STK3: variants seen among roughly 807,000 people sequenced by gnomAD.
The protein encoded by STK3 is serine/threonine kinase 3.
A neutral mutation model predicts 58.0 loss-of-function variants in STK3; 41 were observed. The observed-to-expected ratio is 0.71, with a 90% CI of 0.55 to 0.92. The LOEUF is 0.92. STK3 is among the 40% of genes least tolerant of loss of function. STK3 has a pLI of 0.00. For synonymous variants in STK3, 170 were observed against 191.0 expected (o/e 0.89, Z 0.91); for missense variants, 479 against 602.7 (o/e 0.79, Z 2.15).
At chr8:98,507,252 T>C (rs1824169263) in intron 10 of STK3, among the ~76,000 whole-genome samples, 1 of 152,214 alleles carries the variant, frequency 6.6e-6, no homozygotes, top group South Asian at 2.1e-4. Flanking sequence ...ATATTTGGTA[T>C]GCCCACCTGG....
chr8:98,743,103 A>T (rs1829351449), intron 4 of STK3, among the ~76,000 whole-genome samples: 1 of 152,124 alleles, frequency 6.6e-6, no homozygotes, highest in South Asian at 2.1e-4. Flanking sequence ...ATGGAAGAAC[A>T]TTCCATGCTC....
intron 1 of STK3, among the ~76,000 whole-genome samples, chr8:98,938,885 C>A (rs957314783): frequency 6.6e-6 from 1 of 151,676 alleles, no homozygotes; most frequent in South Asian, 2.1e-4. Context: ...GCAAGTGTTA[C>A]AAATAGTTAG....
chr8:98,490,778 G>A (rs1282000833), intron 10 of STK3, among the ~76,000 whole-genome samples: 1 of 152,164 alleles, frequency 6.6e-6, no homozygotes, highest in Admixed American at 6.5e-5. Flanking sequence ...CTGTTCGTGG[G>A]GGTGCGAATC....
intron 3 of STK3, chr8:98,429,066 G>A (rs1818291386): frequency 4.3e-6 from 7 of 1,613,176 alleles, no homozygotes; most frequent in Non-Finnish European, 5.1e-6. Context: ...CACCATCCCT[G>A]CCTGCTGGTG....
chr8:98,391,011 T>C (rs182438971), upstream of STK3, among the ~76,000 whole-genome samples: 2 of 152,370 alleles, frequency 1.3e-5, no homozygotes, highest in African/African-American at 4.8e-5. Context: ...CAGATAATTC[T>C]AACTCTGTGT....
At chr8:98,515,025 T>C (rs1824821269) in intron 10 of STK3, among the ~76,000 whole-genome samples, 1 of 152,134 alleles carries the variant, frequency 6.6e-6, no homozygotes, top group African/African-American at 2.4e-5. Flanking sequence ...GATGATCAGA[T>C]CCAGATGATT....
intron 4 of STK3, among the ~76,000 whole-genome samples, chr8:98,748,780 T>A (rs556444162): frequency 1.3e-5 from 2 of 151,926 alleles, no homozygotes; most frequent in African/African-American, 4.8e-5. Context: ...TATAGAAATA[T>A]ATATATTTCT....
rs1166268046 is a variant in STK3 at position 98,674,179 on chromosome 8, TA to T, written c.684+32287del. On this transcript the variant is annotated intron_variant, in intron 6 of 10. Coordinates refer to ENST00000419617, the MANE Select transcript of STK3 (RefSeq NM_006281.4). ...ATTTTAACATACAGTGCTTATGTGT[TA>T]AACTATCTGGGAAATAAAGAGATGA... Among the ~76,000 whole-genome samples the T allele has an allele frequency of 5.9e-5, 9 of 152,286 alleles. No individual in the cohort carries two copies. The South Asian group carries it at 1.7e-3, about 28-fold the overall frequency.
At chr8:98,441,404 A>G (rs1818690379) in intron 1 of STK3, among the ~76,000 whole-genome samples, 1 of 152,188 alleles carries the variant, frequency 6.6e-6, no homozygotes, top group Admixed American at 6.5e-5. Context: ...GGTTGTATCA[A>G]AGTTTATTTA....
chr8:98,838,074 C>CAAAAA (rs58973724), intron 3 of STK3, among the ~76,000 whole-genome samples: 3 of 58,758 alleles, frequency 5.1e-5, no homozygotes, highest in Non-Finnish European at 1.0e-4. Context: ...ACTAAAAATA[C>CAAAAA]AAAAAAAAAA....
At chr8:98,381,780 G>A (rs577359773) in intron 1 of STK3, among the ~76,000 whole-genome samples, 1 of 152,208 alleles carries the variant, frequency 6.6e-6, no homozygotes, top group Admixed American at 6.5e-5. Context: ...ATCCAGCCCA[G>A]TGCTCCCTGC....
downstream of STK3, chr8:98,883,435 G>A (rs766337510): frequency 3.5e-5 from 17 of 491,240 alleles, no homozygotes; most frequent in South Asian, 1.4e-4. Flanking sequence ...AAATTTCATC[G>A]AAACTATCTA....
At chr8:98,480,030 A>G (rs1821719831) in intron 10 of STK3, among the ~76,000 whole-genome samples, 1 of 152,168 alleles carries the variant, frequency 6.6e-6, no homozygotes, top group Non-Finnish European at 1.5e-5. Flanking sequence ...AGTGAAAATT[A>G]CCCAATCTGA....
At chr8:98,845,407 G>T (rs921042399) in intron 3 of STK3, among the ~76,000 whole-genome samples, 1 of 152,200 alleles carries the variant, frequency 6.6e-6, no homozygotes, top group African/African-American at 2.4e-5. Context: ...AGAACACATA[G>T]ATGGTCTAAT....
At position 98,434,927 on chromosome 8, in the gene STK3, C is replaced by A. The variant is rs78004480; in HGVS notation, n.292-609G>T. 3.5e-3 allele frequency among the ~76,000 whole-genome samples: 532 copies of A among 152,316 alleles called. 20 individuals are homozygous for A. The East Asian group carries it at 0.079, about 23-fold the overall frequency. ...GTCTAGTGACATTATTCTAGGCCTT[C>A]CATTGAGTCTATTTTATTTCCAGTT... On this transcript the variant is annotated intron_variant and non_coding_transcript_variant, in intron 2 of 3. Transcript: ENST00000517832.
chr8:98,609,810 A>G (rs1385290749), intron 6 of STK3, among the ~76,000 whole-genome samples: 3 of 151,974 alleles, frequency 2.0e-5, no homozygotes, highest in Admixed American at 6.6e-5. Context: ...AATACAAAAA[A>G]TTAACTGGGC....
chr8:98,397,122 T>G (rs571174577), downstream of STK3, among the ~76,000 whole-genome samples: 2 of 152,260 alleles, frequency 1.3e-5, no homozygotes, highest in South Asian at 4.2e-4. Flanking sequence ...AACCAAACAG[T>G]TCACAGTAGT....
chr8:98,552,414 C>T (rs1811241081), intron 8 of STK3, among the ~76,000 whole-genome samples: 1 of 152,058 alleles, frequency 6.6e-6, no homozygotes, highest in Admixed American at 6.6e-5. Flanking sequence ...TGGCCTATCC[C>T]ATCTAGTAAT....
rs570277403 is a variant in STK3, at chr8:98,893,486, G to GAGAAAGAAAGAAAGAA, written c.-78-9668_-78-9653dup. Among the ~76,000 whole-genome samples, 139 of 42,978 alleles carry GAGAAAGAAAGAAAGAA rather than the reference G, an allele frequency of 3.2e-3. 2 individuals carry two copies. Among genetic ancestry groups the GAGAAAGAAAGAAAGAA allele is most frequent in the Middle Eastern group, 0.011 (1 of 88 alleles). 28.2% of individuals were successfully genotyped at this position (42,978 alleles called of 152,430 possible). On this transcript the variant is annotated intron_variant, in intron 1 of 1. Transcript: ENST00000519420. ...AGAAAGAAAGAAAGAAAGAAAGAAA[G>GAGAAAGAAAGAAAGAA]AGAAAGAAAGAAAGAAAGAAAGAAA...
Sources: allele counts gnomAD v4.1 joint callset (sites outside exome capture counted in the v4.1 genomes callset), GRCh38; gene constraint gnomAD v4.1.1; transcripts MANE v1.5; gene names NCBI Gene and HGNC (gene_info 2026-07-23, HGNC 2026-07-21).